Variants in FRYL observed in about 807,000 individuals in gnomAD.
The protein encoded by FRYL is protein furry homolog-like.
FRYL carries 150 observed loss-of-function variants against 351.2 expected under a neutral mutation model. That is an observed-to-expected ratio of 0.43 (90% confidence interval 0.37 to 0.49). FRYL has a LOEUF of 0.49. Ranked by LOEUF, FRYL falls within the 20% of genes least tolerant of loss-of-function variation. FRYL has a pLI of 0.00. For missense variants in FRYL, 3,036 were observed against 3,619.3 expected (o/e 0.84, Z 4.13); for synonymous variants, 1,153 against 1,257.1 (o/e 0.92, Z 1.75).
intron 3 of FRYL, among the ~76,000 whole-genome samples, chr4:48,635,692 T>C (rs1033923800): frequency 6.6e-6 from 1 of 152,210 alleles, no homozygotes; most frequent in Non-Finnish European, 1.5e-5. Context: ...ATCGATCCCA[T>C]ATGTTGCTAT....
At chr4:48,681,603 T>C (rs1277335976) in intron 3 of FRYL, among the ~76,000 whole-genome samples, 2 of 152,168 alleles carry the variant, frequency 1.3e-5, no homozygotes, top group Non-Finnish European at 2.9e-5. Flanking sequence ...ACCTCAGGAA[T>C]GTCAACTTTT....
chr4:48,564,522 C>A (rs1428500969), intron 30 of FRYL, among the ~76,000 whole-genome samples: 2 of 151,908 alleles, frequency 1.3e-5, no homozygotes, highest in African/African-American at 4.8e-5. Context: ...TGTATATGTA[C>A]AATATGAGAG....
intron 3 of FRYL, among the ~76,000 whole-genome samples, chr4:48,663,313 GCTA>G (rs1262844236): frequency 7.4e-6 from 1 of 135,378 alleles, no homozygotes; most frequent in Non-Finnish European, 1.5e-5. Flanking sequence ...CCCCAGAACA[GCTA>G]CTTTTTAATT....
At chr4:48,656,100 T>C (rs1356385701) in intron 3 of FRYL, among the ~76,000 whole-genome samples, 1 of 115,832 alleles carries the variant, frequency 8.6e-6, no homozygotes, top group East Asian at 2.6e-4. Flanking sequence ...ATAATGTATA[T>C]ATTGTATACA....
At chr4:48,768,324 T>C (rs1413890892) in intron 1 of FRYL, among the ~76,000 whole-genome samples, 2 of 152,292 alleles carry the variant, frequency 1.3e-5, no homozygotes, top group East Asian at 3.9e-4. Context: ...TATTAATACA[T>C]CAAAATACAA....
At chr4:48,753,883 A>G (rs1338788016) in intron 1 of FRYL, among the ~76,000 whole-genome samples, 2 of 152,112 alleles carry the variant, frequency 1.3e-5, no homozygotes, top group East Asian at 1.9e-4. Flanking sequence ...TGTTGAACAG[A>G]TCCCGCATTT....
At chr4:48,663,715 C>T (rs1761225958) in intron 3 of FRYL, among the ~76,000 whole-genome samples, 1 of 134,094 alleles carries the variant, frequency 7.5e-6, no homozygotes, top group South Asian at 2.4e-4. Context: ...GCGGAGCTTG[C>T]AGTGAGCCGA....
intron 3 of FRYL, among the ~76,000 whole-genome samples, chr4:48,673,627 T>C (rs1392446250): frequency 2.6e-5 from 4 of 152,156 alleles, no homozygotes; most frequent in Non-Finnish European, 4.4e-5. Flanking sequence ...TGCAATGCAA[T>C]AGAGTAGAAG....
chr4:48,740,873 T>C lies in FRYL; in HGVS notation c.-383-30175A>G, dbSNP rs527607226. ...TTTTTTACAAAACCAAACATTCTTATCAAACACATCCAGCACTTATTCGTT... is the reference window on the plus strand; with the variant it reads ...TTTTTTACAAAACCAAACATTCTTACCAAACACATCCAGCACTTATTCGTT... On this transcript the variant is annotated intron_variant, in intron 1 of 63. Coordinates refer to ENST00000358350, the MANE Select transcript of FRYL (RefSeq NM_015030.2). Among the ~76,000 whole-genome samples the C allele has an allele frequency of 3.3e-5, 5 of 152,208 alleles. No individual in the cohort carries two copies. The South Asian group carries it at 8.3e-4, about 25-fold the overall frequency.
At chr4:48,779,949 G>A (rs1776493369) in intron 1 of FRYL, 129 bp downstream of exon 1, 2 of 152,172 alleles carry the variant, frequency 1.3e-5, no homozygotes, top group South Asian at 4.1e-4. Context: ...CCACCAGGAA[G>A]GACAGCTGGC....
rs1224825429 is a variant in FRYL at position 48,523,010 on chromosome 4, C to T, written c.7412G>A (p.Cys2471Tyr). The change falls in exon 54 of 64, where the codon TGC becomes TAC. Residue 2471 changes from cysteine to tyrosine, a missense_variant. Around this residue, in one of 7 missense-constraint regions of FRYL, gnomAD observed 1,987 missense variants for 2,311.7 expected, o/e 0.86. Coordinates refer to ENST00000358350, the MANE Select transcript of FRYL (RefSeq NM_015030.2). ...GTTCAGGCTGGGGGTGCTACTAGAG[C>T]ACTGGTACTCCTGGAGGGATGGAGT... ...GDTPSLQEYQ[C>Y]SSSTPSLNLT... is the part of the protein sequence containing the mutation. 6.2e-7 allele frequency: 1 copy of T among 1,613,718 alleles called. No homozygotes were observed. The highest frequency in any genetic ancestry group is 1.3e-5 in the African/African-American group (1 of 74,896).
intron 56 of FRYL, among the ~76,000 whole-genome samples, chr4:48,512,985 C>T (rs915500453): frequency 2.0e-5 from 3 of 151,994 alleles, no homozygotes; most frequent in East Asian, 1.9e-4. Context: ...TGAATAATAC[C>T]GATTAGAATG....
In FRYL at chr4:48,596,002, T is replaced by G; in HGVS notation, c.1036-2A>C. ...TCGAGACATTTTCGGATCTTTATTCTGTTTTAAAACAAAAGAGAATAAACT... is the reference window on the plus strand; with the variant it reads ...TCGAGACATTTTCGGATCTTTATTCGGTTTTAAAACAAAAGAGAATAAACT... On this transcript the variant is annotated splice_acceptor_variant, in intron 13 of 63. Transcript: ENST00000358350. LOFTEE classifies it high-confidence loss of function. The G allele has an allele frequency of 6.3e-7, 1 of 1,577,430 alleles. No individual in the cohort carries two copies. The highest frequency in any genetic ancestry group is 8.7e-7 in the Non-Finnish European group (1 of 1,156,050).
chr4:48,524,614 G>T (rs1725604857), intron 53 of FRYL, among the ~76,000 whole-genome samples: 1 of 152,210 alleles, frequency 6.6e-6, no homozygotes, highest in African/African-American at 2.4e-5. Context: ...GTGTATCGCT[G>T]ATTTGGCGTA....
rs533157635 is a variant in FRYL at position 48,604,352 on chromosome 4, C to G, written c.835-964G>C. On this transcript the variant is annotated intron_variant, in intron 11 of 63. Transcript: ENST00000358350. ...GTATTATGGGTTGAATCATATCCCCCCAAAATTCATGTTGAAGTCCTAACC... is the reference window on the plus strand; with the variant it reads ...GTATTATGGGTTGAATCATATCCCCGCAAAATTCATGTTGAAGTCCTAACC... 3.9e-5 allele frequency among the ~76,000 whole-genome samples: 6 copies of G among 152,310 alleles called. No homozygotes were observed. The South Asian group carries it at 1.2e-3, about 32-fold the overall frequency.
Position 48,693,777 on chromosome 4 carries a change from T to TA in FRYL, c.-203-8983_-203-8982insT, listed in dbSNP as rs1765878417. Among the ~76,000 whole-genome samples, 8 of 152,320 alleles carry TA rather than the reference T, an allele frequency of 5.3e-5. No individual in the cohort carries two copies. In the South Asian group the frequency reaches 1.7e-3, roughly 32 times the overall value. ...TCCAAACCATGGCTTCAGCATACCA[T>TA]GCTGATTCTCCAAAACAATATTAGT... is the stretch of plus-strand genomic sequence containing the variant. On this transcript the variant is annotated intron_variant, in intron 2 of 63. Transcript: ENST00000358350.
At chr4:48,695,403 C>T (rs898988232) in intron 2 of FRYL, among the ~76,000 whole-genome samples, 5 of 151,960 alleles carry the variant, frequency 3.3e-5, no homozygotes, top group Non-Finnish European at 5.9e-5. Flanking sequence ...AAGTTTTCCA[C>T]GTATGATTAC....
intron 1 of FRYL, among the ~76,000 whole-genome samples, chr4:48,725,769 A>G (rs1770006315): frequency 6.6e-6 from 1 of 152,198 alleles, no homozygotes; most frequent in Non-Finnish European, 1.5e-5. Context: ...GCACAAGAGT[A>G]GTGATGCTGG....
chr4:48,571,608 A>G (rs1738347136), intron 26 of FRYL: 1 of 977,942 alleles, frequency 1.0e-6, no homozygotes, highest in South Asian at 4.7e-5. Flanking sequence ...ACTAGTTGAA[A>G]TTTCACTTTC....
Sources: allele counts gnomAD v4.1 joint callset (sites outside exome capture counted in the v4.1 genomes callset), GRCh38; gene constraint gnomAD v4.1.1; regional missense constraint gnomAD v4.1.1; transcripts MANE v1.5; gene names NCBI Gene and HGNC (gene_info 2026-07-23, HGNC 2026-07-21).